SH3RF3: variants seen among roughly 807,000 people sequenced by gnomAD.
SH3RF3 encodes the protein E3 ubiquitin-protein ligase SH3RF3.
In SH3RF3, 29 loss-of-function variants were observed where a neutral mutation model predicts 66.3. The observed-to-expected ratio is 0.44, with a 90% CI of 0.33 to 0.60. The LOEUF (loss-of-function observed/expected upper bound fraction) is 0.60, where lower values mean the gene tolerates loss of function less well. Among genes scored for constraint, SH3RF3 ranks in the 20% least tolerant of loss-of-function variants. The probability of loss-of-function intolerance (pLI) is 0.04; values close to 1 mark genes in which losing one functional copy is unlikely to be tolerated. For missense variants in SH3RF3, 1,194 were observed against 1,190.9 expected (o/e 1.00, Z -0.04); for synonymous variants, 583 against 532.0 (o/e 1.10, Z -1.32).
At chr2:109,164,725 T>C (rs761649225) in intron 1 of SH3RF3, among the ~76,000 whole-genome samples, 2 of 152,184 alleles carry the variant, frequency 1.3e-5, no homozygotes, top group Non-Finnish European at 2.9e-5. Flanking sequence ...AGGCTACCAA[T>C]GTGATATCAC....
chr2:109,253,697 G>A (rs1240142233), intron 1 of SH3RF3, among the ~76,000 whole-genome samples: 2 of 152,088 alleles, frequency 1.3e-5, no homozygotes, highest in African/African-American at 4.8e-5. Flanking sequence ...TGGCTGTCTG[G>A]AAAATAGAAC....
At chr2:109,206,542 C>T (rs1325679218) in intron 1 of SH3RF3, among the ~76,000 whole-genome samples, 8 of 138,294 alleles carry the variant, frequency 5.8e-5, no homozygotes, top group Non-Finnish European at 1.2e-4. Flanking sequence ...AGTGTGGTGG[C>T]TCACACCTAT....
chr2:109,204,541 G>A (rs932990016), intron 1 of SH3RF3, among the ~76,000 whole-genome samples: 5 of 152,116 alleles, frequency 3.3e-5, no homozygotes, highest in African/African-American at 1.2e-4. Flanking sequence ...TGTGTGCAAT[G>A]TACAATGTAC....
chr2:109,194,033 G>C (rs35618765), intron 1 of SH3RF3, among the ~76,000 whole-genome samples: 123,007 of 152,188 alleles, frequency 0.81, 49,837 homozygotes, highest in South Asian at 0.86. Context: ...AGAACAGTCT[G>C]TTCTGCCTGT....
At chr2:109,211,709 A>G (rs1234921072) in intron 1 of SH3RF3, among the ~76,000 whole-genome samples, 1 of 150,556 alleles carries the variant, frequency 6.6e-6, no homozygotes, top group African/African-American at 2.5e-5. Context: ...CAATGGTGCA[A>G]TCTTGGCTCA....
chr2:109,398,811 C>G lies in SH3RF3; in HGVS notation c.1167C>G (p.His389Gln). The change falls in exon 4 of 10, where the codon CAC (histidine) becomes CAG (glutamine). Residue 389 changes from histidine to glutamine, a missense_variant. His to Gln is a conservative substitution (Grantham distance 24, BLOSUM62 0). Transcript: ENST00000309415. ...CCTTCACCGCGCTCAGTGTGACGCACAGATCCTCCCAGGCTGCCAGCCACA... is the reference window on the plus strand; with the variant it reads ...CCTTCACCGCGCTCAGTGTGACGCAGAGATCCTCCCAGGCTGCCAGCCACA... The part of the protein sequence containing the change: ...RHSFTALSVT[H>Q]RSSQAASHRH... The G allele has an allele frequency of 6.2e-7, 1 of 1,613,870 alleles. No individual in the cohort carries two copies. The highest frequency in any genetic ancestry group is 1.3e-5 in the African/African-American group (1 of 75,056).
chr2:109,198,083 C>T (rs902157317), intron 1 of SH3RF3, among the ~76,000 whole-genome samples: 3 of 152,066 alleles, frequency 2.0e-5, no homozygotes, highest in African/African-American at 4.8e-5. Flanking sequence ...TGGGGGTGCT[C>T]GGGAGTGTGG....
chr2:109,295,571 G>A (rs1681287961), intron 1 of SH3RF3, among the ~76,000 whole-genome samples: 1 of 152,196 alleles, frequency 6.6e-6, no homozygotes, highest in South Asian at 2.1e-4. Context: ...CACTGTGGAG[G>A]GCCAGGTGGT....
chr2:109,436,013 C>T (rs1559082688), intron 6 of SH3RF3, among the ~76,000 whole-genome samples: 1 of 152,118 alleles, frequency 6.6e-6, no homozygotes, highest in Non-Finnish European at 1.5e-5. Context: ...CCGGGAGCTT[C>T]CCTGCTAGAG....
intron 3 of SH3RF3, among the ~76,000 whole-genome samples, chr2:109,371,961 C>T (rs1013096465): frequency 3.3e-5 from 5 of 152,200 alleles, no homozygotes; most frequent in East Asian, 1.9e-4. Context: ...GCACCTTCCC[C>T]GTTTTCTCAA....
intron 7 of SH3RF3, among the ~76,000 whole-genome samples, chr2:109,448,515 A>G (rs1271138490): frequency 6.6e-6 from 1 of 152,144 alleles, no homozygotes; most frequent in Non-Finnish European, 1.5e-5. Flanking sequence ...TTAGGTTCTC[A>G]TAGGAGAGCA....
At chr2:109,246,940 T>C (rs112611005) in intron 1 of SH3RF3, among the ~76,000 whole-genome samples, 3,018 of 152,294 alleles carry the variant, frequency 0.02, 107 homozygotes, top group African/African-American at 0.068. Context: ...AGCTCAGCCT[T>C]GAGGAGGCGT....
intron 1 of SH3RF3, among the ~76,000 whole-genome samples, chr2:109,343,744 CTTTT>C (rs35606755): frequency 7.0e-6 from 1 of 143,784 alleles, no homozygotes; most frequent in African/African-American, 2.6e-5. Context: ...CCCTGGTTTC[CTTTT>C]TTTTTTTTTT....
intron 5 of SH3RF3, among the ~76,000 whole-genome samples, chr2:109,420,647 G>A (rs966613597): frequency 6.6e-6 from 1 of 152,044 alleles, no homozygotes; most frequent in African/African-American, 2.4e-5. Context: ...GGGTTTCACC[G>A]TGTTAGCCAG....
Position 109,129,333 on chromosome 2 carries a change from TCCCCGCCACGCAGGCCGGTC to T in SH3RF3, c.-204_-185del. 1.5e-3 allele frequency: 2 copies of T among 1,306 alleles called. No individual in the cohort carries two copies. The highest frequency in any genetic ancestry group is 0.04 in the Non-Finnish European group (2 of 50). 0.1% of individuals were successfully genotyped at this position (1,306 alleles called of 1,614,324 possible). A position where few individuals can be genotyped will look rare whatever the true frequency, so the allele number is the denominator to read the frequency against. On this transcript the variant is annotated 5_prime_UTR_variant, in exon 1 of 10. Transcript: ENST00000309415. Reference sequence around the variant, plus strand: ...GGACTGGGCGGGCTCGGCTGGCCGGTCCCCGCCACGCAGGCCGGTCCCCGCCACGCAGGCCGGTCGGTGAG... The same window carrying T: ...GGACTGGGCGGGCTCGGCTGGCCGGTCCCGCCACGCAGGCCGGTCGGTGAG...
At position 109,375,721 on chromosome 2, in the gene SH3RF3, G is replaced by T. The variant is rs188214858; in HGVS notation, c.945+4040G>T. ...GCCCTCTCTGTGGCATGAGTGCCGGGGCTGAGCACCCCTGCAGCCCCCCTC... is the reference window on the plus strand; with the variant it reads ...GCCCTCTCTGTGGCATGAGTGCCGGTGCTGAGCACCCCTGCAGCCCCCCTC... On this transcript the variant is annotated intron_variant, in intron 3 of 9. Transcript: ENST00000309415. Among the ~76,000 whole-genome samples the T allele has an allele frequency of 7.0e-4, 107 of 152,338 alleles. No homozygotes were observed. The East Asian group carries it at 0.016, about 23-fold the overall frequency.
intron 5 of SH3RF3, among the ~76,000 whole-genome samples, chr2:109,425,077 G>C (rs6753163): frequency 6.6e-6 from 1 of 152,180 alleles, no homozygotes; most frequent in African/African-American, 2.4e-5. Context: ...TTGCTGATAC[G>C]GAGAATGTTT....
In SH3RF3 at chr2:109,198,442, G is replaced by T. The variant is rs570672139; in HGVS notation, c.573+68329G>T. Reference sequence around the variant, plus strand: ...CAGTGGGCTACCTCTTGGGTACCCTGCCCAGCACAGATTGGAGGATGATAG... The same window carrying T: ...CAGTGGGCTACCTCTTGGGTACCCTTCCCAGCACAGATTGGAGGATGATAG... On this transcript the variant is annotated intron_variant, in intron 1 of 9. Transcript: ENST00000309415. 1.3e-3 allele frequency among the ~76,000 whole-genome samples: 193 copies of T among 152,326 alleles called. 1 individual carries two copies. Among genetic ancestry groups the T allele is most frequent in the African/African-American group, 4.3e-3 (178 of 41,574 alleles).
At chr2:109,354,455 CA>C (rs1682904733) in intron 2 of SH3RF3, among the ~76,000 whole-genome samples, 1 of 152,244 alleles carries the variant, frequency 6.6e-6, no homozygotes, top group Admixed American at 6.5e-5. Flanking sequence ...CATGGCCAGG[CA>C]GGGACTGCTT....
Sources: allele counts gnomAD v4.1 joint callset (sites outside exome capture counted in the v4.1 genomes callset), GRCh38; gene constraint gnomAD v4.1.1; transcripts MANE v1.5; gene names NCBI Gene and HGNC (gene_info 2026-07-23, HGNC 2026-07-21).